Variants in PPM1L observed in about 807,000 individuals in gnomAD.
The protein encoded by PPM1L is protein phosphatase, Mg2+/Mn2+ dependent 1L.
A neutral mutation model predicts 31.4 loss-of-function variants in PPM1L; 13 were observed. The ratio of observed to expected loss-of-function variants is 0.41; its 90% CI spans 0.27 to 0.66. PPM1L has a LOEUF of 0.66. Among genes scored for constraint, PPM1L ranks in the 30% least tolerant of loss-of-function variants. The probability of loss-of-function intolerance (pLI) is 0.29; values close to 1 mark genes in which losing one functional copy is unlikely to be tolerated. For synonymous variants in PPM1L, 184 were observed against 175.4 expected (o/e 1.05, Z -0.39); for missense variants, 326 against 453.7 (o/e 0.72, Z 2.56).
Position 161,029,327 on chromosome 3 carries a change from C to A in PPM1L, c.575-36076C>A, listed in dbSNP as rs186406116. Among the ~76,000 whole-genome samples the A allele has an allele frequency of 4.0e-4, 61 of 152,286 alleles. No homozygotes were observed. In the East Asian group the frequency reaches 9.3e-3, roughly 23 times the overall value. On this transcript the variant is annotated intron_variant, in intron 2 of 3. Coordinates refer to ENST00000498165, the MANE Select transcript of PPM1L (RefSeq NM_139245.4). ...GTGCTATTAACTAGCTAAGGTCATA[C>A]AAATAGTAACTGGAGCTAAGATTTG...
At chr3:160,784,673 A>G (rs987718211) in intron 1 of PPM1L, among the ~76,000 whole-genome samples, 34 of 152,226 alleles carry the variant, frequency 2.2e-4, no homozygotes, top group South Asian at 6.2e-4. Context: ...TTCTCTCCCT[A>G]CATGCTCTCT....
chr3:160,958,995 T>C (rs1322843045), intron 1 of PPM1L, among the ~76,000 whole-genome samples: 2 of 152,208 alleles, frequency 1.3e-5, no homozygotes, highest in Non-Finnish European at 2.9e-5. Flanking sequence ...GACACGTGCA[T>C]GTGCATGTGT....
chr3:160,852,967 G>C (rs565741154), intron 1 of PPM1L, among the ~76,000 whole-genome samples: 224 of 152,200 alleles, frequency 1.5e-3, no homozygotes, highest in Admixed American at 3.4e-3. Flanking sequence ...AGCTCTGGAG[G>C]CCAAATTTCA....
At chr3:161,028,055 A>G (rs899051218) in intron 2 of PPM1L, among the ~76,000 whole-genome samples, 5 of 152,222 alleles carry the variant, frequency 3.3e-5, no homozygotes, top group African/African-American at 1.2e-4. Context: ...AATCAGACCC[A>G]AAACCTGTGC....
chr3:161,062,709 G>A (rs188826605), intron 2 of PPM1L, among the ~76,000 whole-genome samples: 35 of 152,242 alleles, frequency 2.3e-4, no homozygotes, highest in Middle Eastern at 3.4e-3. Flanking sequence ...GAAATCTTGC[G>A]TGGCAGCTGA....
chr3:160,862,238 C>T (rs774878978), intron 1 of PPM1L, among the ~76,000 whole-genome samples: 10 of 152,140 alleles, frequency 6.6e-5, no homozygotes, highest in Non-Finnish European at 1.5e-4. Flanking sequence ...TATCCCAAAA[C>T]ATGTAACAAG....
intron 1 of PPM1L, among the ~76,000 whole-genome samples, chr3:160,923,528 G>A (rs1714485486): frequency 6.6e-6 from 1 of 152,074 alleles, no homozygotes; most frequent in Admixed American, 6.6e-5. Flanking sequence ...TTCTGAAATG[G>A]GCTCAACCCA....
At chr3:160,794,031 A>G (rs1194405984) in intron 1 of PPM1L, among the ~76,000 whole-genome samples, 1 of 147,192 alleles carries the variant, frequency 6.8e-6, no homozygotes, top group African/African-American at 2.7e-5. Context: ...TGATATTTTT[A>G]CATCTCTCTG....
At chr3:161,068,600 C>T (rs1719813883) in intron 3 of PPM1L, among the ~76,000 whole-genome samples, 1 of 152,144 alleles carries the variant, frequency 6.6e-6, no homozygotes, top group Non-Finnish European at 1.5e-5. Context: ...TTATTGAAAT[C>T]CTTCAAGATG....
At chr3:160,981,245 G>GCTAATAATTA (rs1432177091) in intron 2 of PPM1L, among the ~76,000 whole-genome samples, 4 of 152,186 alleles carry the variant, frequency 2.6e-5, no homozygotes, top group Non-Finnish European at 5.9e-5. Flanking sequence ...TAATTTCTGA[G>GCTAATAATTA]GATCAGGAAT....
intron 1 of PPM1L, among the ~76,000 whole-genome samples, chr3:160,828,063 C>T (rs9852671): frequency 0.032 from 4,838 of 151,992 alleles, 248 homozygotes; most frequent in African/African-American, 0.11. Context: ...GGGATCCACC[C>T]TCATGACGCA....
At chr3:160,816,437 G>A (rs718757) in intron 1 of PPM1L, among the ~76,000 whole-genome samples, 64,096 of 151,284 alleles carry the variant, frequency 0.42, 14,332 homozygotes, top group East Asian at 0.59. Context: ...ATGGCCTAAG[G>A]AAATGCAGTT....
intron 1 of PPM1L, among the ~76,000 whole-genome samples, chr3:160,824,805 A>T (rs1461788833): frequency 1.3e-5 from 2 of 152,128 alleles, no homozygotes; most frequent in Admixed American, 1.3e-4. Flanking sequence ...AATTTTTTTT[A>T]AAACTGTATC....
At chr3:160,970,445 A>ATTTTTTTTTT (rs1491444648) in intron 2 of PPM1L, among the ~76,000 whole-genome samples, 1 of 33,462 alleles carries the variant, frequency 3.0e-5, no homozygotes, top group Non-Finnish European at 1.3e-4. Flanking sequence ...ACCAAGCTGA[A>ATTTTTTTTTT]TATTTTTTTT....
chr3:160,807,333 T>C (rs545580783), intron 1 of PPM1L, among the ~76,000 whole-genome samples: 1 of 152,360 alleles, frequency 6.6e-6, no homozygotes, highest in South Asian at 2.1e-4. Context: ...TAATCATCAA[T>C]GTCATATGCA....
intron 2 of PPM1L, among the ~76,000 whole-genome samples, chr3:160,990,207 GC>G (rs1451266503): frequency 6.6e-6 from 1 of 151,688 alleles, no homozygotes; most frequent in Non-Finnish European, 1.5e-5. Context: ...TCATCACATT[GC>G]CCAGGCTGGT....
chr3:160,974,948 A>T (rs1716512678), intron 2 of PPM1L, among the ~76,000 whole-genome samples: 1 of 152,040 alleles, frequency 6.6e-6, no homozygotes, highest in African/African-American at 2.4e-5. Flanking sequence ...GTCCTTGCCC[A>T]TGCCTATATC....
intron 2 of PPM1L, among the ~76,000 whole-genome samples, chr3:160,976,465 G>C (rs147481492): frequency 1.2e-3 from 163 of 137,600 alleles, no homozygotes; most frequent in African/African-American, 4.1e-3. Flanking sequence ...GTTCCTCCTT[G>C]TACCTCTGGT....
intron 1 of PPM1L, chr3:160,882,390 T>C (rs1293951926): frequency 1.3e-5 from 2 of 152,232 alleles, no homozygotes; most frequent in Non-Finnish European, 2.9e-5. Flanking sequence ...TGAGAACAAG[T>C]ATGCATATTT....
Sources: gnomAD v4.1 joint callset for allele counts (sites outside exome capture counted in the v4.1 genomes callset) on GRCh38, gnomAD v4.1.1 for gene constraint, MANE v1.5 for transcripts, NCBI Gene and HGNC (gene_info 2026-07-23, HGNC 2026-07-21) for gene names.